Variants in CHD1L observed in about 807,000 individuals in gnomAD.
CHD1L encodes the protein chromodomain helicase DNA binding protein 1 like.
A neutral mutation model predicts 115.9 loss-of-function variants in CHD1L; 118 were observed. The observed-to-expected ratio is 1.02, with a 90% CI of 0.88 to 1.19. The LOEUF is 1.19. CHD1L is among the 50% of genes most tolerant of loss of function. The pLI is 0.00. For missense variants in CHD1L, 1,179 were observed against 1,065.3 expected (o/e 1.11, Z -1.49); for synonymous variants, 411 against 387.1 (o/e 1.06, Z -0.72).
the CHD1L span, among the ~76,000 whole-genome samples, chr1:147,205,677 A>G: frequency 2.0e-5 from 3 of 152,228 alleles, no homozygotes; most frequent in East Asian, 1.9e-4. Flanking sequence ...AGGATTCCCT[A>G]TTTAACAAAT....
chr1:147,225,826 G>C, the CHD1L span: 1 of 152,182 alleles, frequency 6.6e-6, no homozygotes. Context: ...TTATTCGGCC[G>C]GGAGCGTCGG....
At chr1:147,294,819 T>C (rs1369840153) in intron 22 of CHD1L, among the ~76,000 whole-genome samples, 1 of 152,216 alleles carries the variant, frequency 6.6e-6, no homozygotes, top group Non-Finnish European at 1.5e-5. Flanking sequence ...TCACATCACT[T>C]CTCTAGAGAT....
At chr1:147,210,841 G>GATTT in the CHD1L span, 1 of 151,944 alleles carries the variant, frequency 6.6e-6, no homozygotes, top group Non-Finnish European at 1.5e-5. Flanking sequence ...TTACAAATCA[G>GATTT]ATTTATAAGG....
Position 147,258,660 on chromosome 1 carries a change from C to T in CHD1L, c.495-1177C>T, listed in dbSNP as rs587659781. ...GGTAATGTCATAGGGACCTCTGTTC[C>T]TCTGCCTGTCCTCTGGAGTTTCTCT... On this transcript the variant is annotated intron_variant, in intron 5 of 22. Coordinates refer to ENST00000369258, the MANE Select transcript of CHD1L (RefSeq NM_004284.6). Among the ~76,000 whole-genome samples, 5 of 152,300 alleles carry T rather than the reference C, an allele frequency of 3.3e-5. No homozygotes were observed. In the South Asian group the frequency reaches 8.3e-4, roughly 25 times the overall value.
Position 147,270,934 on chromosome 1 carries a change from G to T in CHD1L, c.1088G>T (p.Gly363Val). 6.2e-7 allele frequency: 1 copy of T among 1,613,760 alleles called. No homozygotes were observed. The highest frequency in any genetic ancestry group is 2.2e-5 in the East Asian group (1 of 44,866). Residue 363 changes from glycine (G) to valine (V), a missense_variant and splice_region_variant, in exon 11 of 23, where the codon GGC becomes GTC. Coordinates refer to ENST00000369258, the MANE Select transcript of CHD1L (RefSeq NM_004284.6). ...TTTCCTTTTCTTTTTCTTGCCAGGG[G>T]CCATCGGGTTTTACTTTTCTCCCAA... ...DKLLAFLYSG[G>V]HRVLLFSQMT...
intron 16 of CHD1L, 125 bp from the exon 17 acceptor site, chr1:147,285,199 G>A (rs587671889): frequency 3.7e-6 from 4 of 1,071,556 alleles, no homozygotes; most frequent in South Asian, 1.6e-5. Flanking sequence ...ACCATGCAGG[G>A]TGTGTGGAGA....
chr1:147,280,811 C>G, intron 15 of CHD1L, among the ~76,000 whole-genome samples: 1 of 152,118 alleles, frequency 6.6e-6, no homozygotes, highest in East Asian at 1.9e-4. Context: ...TAAAGGTATT[C>G]CCTGGCATCT....
rs1224176633 is a variant in CHD1L at position 147,259,898 on chromosome 1, C to A, written c.556C>A (p.Leu186Met). Residue 186 changes from leucine to methionine, a missense_variant, in exon 6 of 23, where the codon CTG (leucine) becomes ATG (methionine). Physicochemically the swap from Leu to Met is conservative, Grantham distance 15. Coordinates refer to ENST00000369258, the MANE Select transcript of CHD1L (RefSeq NM_004284.6). ...CAGGTTGAAAAACCAAAGCTCCCTG[C>A]TGCATAAGACCTTGTCAGAGGTAAA... ...AHRLKNQSSLLHKTLSEFSVV... is the reference protein window; with the variant it reads ...AHRLKNQSSLMHKTLSEFSVV... 2 of 1,613,628 alleles carry A rather than the reference C, an allele frequency of 1.2e-6. No individual in the cohort carries two copies. The highest frequency in any genetic ancestry group is 2.7e-5 in the African/African-American group (2 of 75,048).
At chr1:147,196,803 C>A in the CHD1L span, among the ~76,000 whole-genome samples, 2 of 152,176 alleles carry the variant, frequency 1.3e-5, no homozygotes, top group East Asian at 3.9e-4. Context: ...TGAACAGATT[C>A]TTTTCTGTCT....
intron 1 of CHD1L, among the ~76,000 whole-genome samples, chr1:147,248,774 G>T (rs989969221): frequency 1.3e-5 from 2 of 152,174 alleles, no homozygotes; most frequent in Non-Finnish European, 2.9e-5. Context: ...TAAAATCACA[G>T]ACTACTGATA....
At chr1:147,295,316 G>GA (rs1460912400) in intron 22 of CHD1L, 115 bp from the exon 23 acceptor site, 3 of 730,010 alleles carry the variant, frequency 4.1e-6, no homozygotes, top group Non-Finnish European at 7.2e-6. Flanking sequence ...TATCGTGAGA[G>GA]AATTAAAGCA....
At position 147,276,138 on chromosome 1, in the gene CHD1L, A is replaced by G. The variant is rs1553957637; in HGVS notation, c.1420A>G (p.Thr474Ala). The G allele has an allele frequency of 6.2e-7, 1 of 1,614,042 alleles. No homozygotes were observed. The highest frequency in any genetic ancestry group is 1.3e-5 in the African/African-American group (1 of 74,914). The change falls in exon 14 of 23, where the codon ACT (threonine) becomes GCT (alanine). Residue 474 changes from threonine (T) to alanine (A), a missense_variant. Thr to Ala is a moderately conservative substitution (Grantham distance 58). Transcript: ENST00000369258. Reference protein sequence around the residue: ...VKVIRLIGRDTVEEIVYRKAA... With the variant: ...VKVIRLIGRDAVEEIVYRKAA... ...AGTTATTCGGCTGATTGGTCGAGAC[A>G]CTGTGGAAGAAATAGTCTATAGGAA...
At chr1:147,262,351 C>T (rs946813237) in intron 6 of CHD1L, among the ~76,000 whole-genome samples, 3 of 152,018 alleles carry the variant, frequency 2.0e-5, no homozygotes, top group Non-Finnish European at 4.4e-5. Context: ...AAAATGTTTG[C>T]AAAGTATTTT....
At chr1:147,251,294 G>A (rs1252600765) in intron 1 of CHD1L, among the ~76,000 whole-genome samples, 1 of 152,014 alleles carries the variant, frequency 6.6e-6, no homozygotes, top group Non-Finnish European at 1.5e-5. Context: ...CCTGCCTTCC[G>A]CAGGCCCAAG....
intron 19 of CHD1L, among the ~76,000 whole-genome samples, chr1:147,290,941 C>G (rs1257916100): frequency 6.6e-6 from 1 of 152,190 alleles, no homozygotes; most frequent in African/African-American, 2.4e-5. Context: ...TCATGAGTCA[C>G]TGTGCTCGGC....
At chr1:147,180,513 G>A in the CHD1L span, among the ~76,000 whole-genome samples, 3 of 152,294 alleles carry the variant, frequency 2.0e-5, no homozygotes, top group East Asian at 1.9e-4. Flanking sequence ...GGATGGTTTC[G>A]ATCTCTTGAC....
chr1:147,203,393 G>C, the CHD1L span: 14 of 998,488 alleles, frequency 1.4e-5, no homozygotes, highest in Middle Eastern at 2.1e-4. Context: ...TTAGCAGCGA[G>C]TTTGATAGAC....
chr1:147,213,550 A>C, the CHD1L span: 10 of 1,250,402 alleles, frequency 8.0e-6, no homozygotes, highest in South Asian at 1.7e-5. Context: ...GGCTGATATC[A>C]CAGACACTAT....
chr1:147,284,476 C>G lies in CHD1L; in HGVS notation c.1831C>G (p.Arg611Gly). ...TTTGGAGAAAGCTAGTCAAGAGGGC[C>G]GATCACTCCGAAATAAAGGCAGTGT... ...TLLEKASQEGRSLRNKGSVLI... is the reference protein window; with the variant it reads ...TLLEKASQEGGSLRNKGSVLI... The change falls in exon 16 of 23, where the codon CGA becomes GGA. Residue 611 changes from arginine (R) to glycine (G), a missense_variant. Coordinates refer to ENST00000369258, the MANE Select transcript of CHD1L (RefSeq NM_004284.6). 1 of 1,603,114 alleles carries G rather than the reference C, an allele frequency of 6.2e-7. No individual in the cohort carries two copies. The highest frequency in any genetic ancestry group is 8.5e-7 in the Non-Finnish European group (1 of 1,176,786).
Sources: allele counts gnomAD v4.1 joint callset (sites outside exome capture counted in the v4.1 genomes callset), GRCh38; gene constraint gnomAD v4.1.1; transcripts MANE v1.5; gene names NCBI Gene and HGNC (gene_info 2026-07-23, HGNC 2026-07-21).